The following MCF2L2 variants were observed in gnomAD, a reference collection of about 807,000 sequenced individuals.
MCF2L2 encodes the protein probable guanine nucleotide exchange factor MCF2L2.
A neutral mutation model predicts 150.2 loss-of-function variants in MCF2L2; 102 were observed. The observed-to-expected ratio is 0.68, with a 90% CI of 0.58 to 0.80. The LOEUF is 0.80. MCF2L2 is among the 30% of genes least tolerant of loss of function. MCF2L2 has a pLI of 0.00. For missense variants in MCF2L2, 1,256 were observed against 1,372.8 expected, an observed-to-expected ratio of 0.91 and a Z score of 1.34; for synonymous variants, 465 against 491.3, an observed-to-expected ratio of 0.95 and a Z score of 0.71.
intron 15 of MCF2L2, among the ~76,000 whole-genome samples, chr3:183,234,707 T>TTTTTTTTTTTTA (rs774291171): frequency 2.6e-5 from 3 of 113,906 alleles, no homozygotes; most frequent in Non-Finnish European, 3.7e-5. Context: ...TTTTTTTTTT[T>TTTTTTTTTTTTA]TTATTATACT....
chr3:183,262,712 T>C (rs1319284218), intron 15 of MCF2L2, among the ~76,000 whole-genome samples: 1 of 142,824 alleles, frequency 7.0e-6, no homozygotes, highest in Non-Finnish European at 1.5e-5. Flanking sequence ...GGTGAAGTCT[T>C]CAGGGTGGGG....
At chr3:183,404,825 T>G (rs777982839) in intron 1 of MCF2L2, among the ~76,000 whole-genome samples, 2 of 152,020 alleles carry the variant, frequency 1.3e-5, no homozygotes, top group Non-Finnish European at 2.9e-5. Flanking sequence ...ATCTTGCCAC[T>G]GCACTCTAGC....
intron 1 of MCF2L2, among the ~76,000 whole-genome samples, chr3:183,419,468 C>G (rs905373331): frequency 6.6e-6 from 1 of 152,252 alleles, no homozygotes; most frequent in African/African-American, 2.4e-5. Flanking sequence ...GTCAGGTAGG[C>G]TGCAAAATTT....
intron 1 of MCF2L2, among the ~76,000 whole-genome samples, chr3:183,417,923 G>T (rs1828193): frequency 2.0e-4 from 30 of 152,264 alleles, no homozygotes; most frequent in African/African-American, 2.4e-4. Flanking sequence ...ATCTTGTGGC[G>T]GGGCCTGTAA....
intron 11 of MCF2L2, 55 bp downstream of exon 11, chr3:183,299,950 A>G: frequency 6.4e-7 from 1 of 1,568,288 alleles, no homozygotes; most frequent in East Asian, 2.3e-5. Flanking sequence ...GTATGATGGA[A>G]GCTTCTTCAC....
chr3:183,396,235 G>T (rs1233331686), intron 1 of MCF2L2, among the ~76,000 whole-genome samples: 1 of 152,062 alleles, frequency 6.6e-6, no homozygotes, highest in Non-Finnish European at 1.5e-5. Context: ...GCATCCAAAT[G>T]CTAGGGTGGT....
At chr3:183,364,263 T>C (rs1445420212) in intron 3 of MCF2L2, among the ~76,000 whole-genome samples, 1 of 152,062 alleles carries the variant, frequency 6.6e-6, no homozygotes, top group African/African-American at 2.4e-5. Context: ...ACGTCTGTAA[T>C]CCCAGCACTT....
intron 3 of MCF2L2, among the ~76,000 whole-genome samples, chr3:183,367,786 T>C (rs1712627354): frequency 6.6e-6 from 1 of 152,072 alleles, no homozygotes; most frequent in South Asian, 2.1e-4. Flanking sequence ...ACAATGTAAC[T>C]AACAAAAATG....
At chr3:183,304,093 G>A (rs1037831029) in intron 10 of MCF2L2, among the ~76,000 whole-genome samples, 32 of 152,094 alleles carry the variant, frequency 2.1e-4, no homozygotes, top group Admixed American at 2.0e-4. Context: ...GGGCCAACTC[G>A]ATCTAAATCA....
rs1722109229 is a variant in MCF2L2 at position 183,197,300 on chromosome 3, T to C, written c.2885-2045A>G. Among the ~76,000 whole-genome samples, 1 of 152,202 alleles carries C rather than the reference T, an allele frequency of 6.6e-6. No individual in the cohort carries two copies. Among genetic ancestry groups the C allele is most frequent in the African/African-American group, 2.4e-5 (1 of 41,454 alleles). On this transcript the variant is annotated intron_variant, in intron 25 of 29. Coordinates refer to ENST00000328913, the MANE Select transcript of MCF2L2 (RefSeq NM_015078.4). The surrounding 1 kb of genome is among the most constrained non-coding windows in gnomAD (Gnocchi z 4.5). ...AGACAAATAGATCAATGGAAAAGAA[T>C]CAGGCATCCAGAAATAGATGCACTT...
intron 1 of MCF2L2, among the ~76,000 whole-genome samples, chr3:183,417,115 CAAAAAAAA>C (rs74989072): frequency 0.047 from 2,071 of 44,182 alleles, 60 homozygotes; most frequent in East Asian, 0.22. Flanking sequence ...GACTCTGTCT[CAAAAAAAA>C]AAAAAAAAAA....
At position 183,249,088 on chromosome 3, in the gene MCF2L2, C is replaced by T. The variant is rs888964285; in HGVS notation, c.1863-18071G>A. Among the ~76,000 whole-genome samples, 3 of 152,162 alleles carry T rather than the reference C, an allele frequency of 2.0e-5. No homozygotes were observed. In the East Asian group the frequency reaches 5.8e-4, roughly 29 times the overall value. ...TGTGACTAAACTAAGTGCCAATTGT[C>T]TTTTAAAATATGTGTTAATCAGCAC... On this transcript the variant is annotated intron_variant, in intron 15 of 29. Coordinates refer to ENST00000328913, the MANE Select transcript of MCF2L2 (RefSeq NM_015078.4).
chr3:183,303,422 T>C (rs1728952651), intron 10 of MCF2L2, among the ~76,000 whole-genome samples: 1 of 152,156 alleles, frequency 6.6e-6, no homozygotes, highest in African/African-American at 2.4e-5. Flanking sequence ...TGAGCCCCCT[T>C]GCCAGCCACA....
At chr3:183,222,127 G>A (rs1723170365) in intron 20 of MCF2L2, among the ~76,000 whole-genome samples, 1 of 152,198 alleles carries the variant, frequency 6.6e-6, no homozygotes, top group African/African-American at 2.4e-5. Flanking sequence ...CACCTCCTGA[G>A]TAGCTGCTGG....
rs567791785 is a variant in MCF2L2, at chr3:183,215,702, GT to G, written c.2496+266del. The stretch of plus-strand genomic sequence containing the variant: ...CAGGACTTTTCCTCTGCCCATATAT[GT>G]TCTGGCCCTTGACTTTCTGGTTTGT... On this transcript the variant is annotated intron_variant, in intron 22 of 29. Transcript: ENST00000328913. 3.7e-4 allele frequency among the ~76,000 whole-genome samples: 57 copies of G among 152,254 alleles called. No individual in the cohort carries two copies. In the East Asian group the frequency reaches 6.6e-3, roughly 18 times the overall value.
chr3:183,330,803 A>C (rs1453837647), intron 5 of MCF2L2, among the ~76,000 whole-genome samples: 1 of 152,186 alleles, frequency 6.6e-6, no homozygotes, highest in East Asian at 1.9e-4. Context: ...AGGACACACT[A>C]AGCATGTAAA....
At chr3:183,323,379 A>G (rs1729894256) in intron 5 of MCF2L2, 28 bp from the exon 6 acceptor site, 1 of 1,187,268 alleles carries the variant, frequency 8.4e-7, no homozygotes, top group Admixed American at 1.7e-5. Flanking sequence ...AATTAAACAT[A>G]CTCCTCATTG....
intron 1 of MCF2L2, among the ~76,000 whole-genome samples, chr3:183,403,011 T>TG (rs1714853577): frequency 6.6e-6 from 1 of 152,064 alleles, no homozygotes; most frequent in Non-Finnish European, 1.5e-5. Context: ...CCAGGTGCAG[T>TG]GGCTCATCCC....
chr3:183,359,977 T>C (rs1712027749), intron 3 of MCF2L2, among the ~76,000 whole-genome samples: 1 of 152,232 alleles, frequency 6.6e-6, no homozygotes, highest in African/African-American at 2.4e-5. Context: ...ATTTTTAACA[T>C]TGATTATGAG....
Sources: allele counts gnomAD v4.1 joint callset (sites outside exome capture counted in the v4.1 genomes callset), GRCh38; gene constraint gnomAD v4.1.1; non-coding constraint Gnocchi (gnomAD v3.1); transcripts MANE v1.5; gene names NCBI Gene and HGNC (gene_info 2026-07-23, HGNC 2026-07-21).